The following SYNJ2 variants were observed in gnomAD, a reference collection of about 807,000 sequenced individuals.
SYNJ2 encodes the protein synaptojanin 2, also known as polyphosphatidylinositol phosphatase SYNJ2.
In SYNJ2, 116 loss-of-function variants were observed where a neutral mutation model predicts 141.3. The ratio of observed to expected loss-of-function variants is 0.82; its 90% confidence interval spans 0.71 to 0.96. The LOEUF is 0.96. Among genes scored for constraint, SYNJ2 ranks in the 40% least tolerant of loss-of-function variants. The pLI is 0.00. For missense variants in SYNJ2, 1,873 were observed against 1,934.8 expected (o/e 0.97, Z 0.60); for synonymous variants, 745 against 777.7 (o/e 0.96, Z 0.70).
intron 20 of SYNJ2, among the ~76,000 whole-genome samples, chr6:158,082,962 T>A (rs1293862993): frequency 6.6e-6 from 1 of 152,144 alleles, no homozygotes; most frequent in African/African-American, 2.4e-5. Context: ...AGATGGAGTC[T>A]TGCTCTGTCA....
chr6:158,027,300 G>A lies in SYNJ2; in HGVS notation c.215-1456G>A. 1 of 753,526 alleles carries A rather than the reference G, an allele frequency of 1.3e-6. No homozygotes were observed. The highest frequency in any genetic ancestry group is 1.6e-6 in the Non-Finnish European group (1 of 618,388). The allele number at this position is 753,526 out of a possible 1,614,324, so 46.7% of individuals were successfully genotyped here. A position where few individuals can be genotyped will look rare whatever the true frequency, so the allele number is the denominator to read the frequency against. On this transcript the variant is annotated intron_variant, in intron 2 of 26. Transcript: ENST00000355585. The surrounding 1 kb of genome is among the most constrained non-coding windows in gnomAD (Gnocchi z 4.6). The stretch of plus-strand genomic sequence containing the variant: ...TTGATCATTCACAGAAGATCTCGCT[G>A]GGCGGATCCTTCAGACCTCAGCGGG...
chr6:158,064,279 G>A (rs1781416465), intron 9 of SYNJ2, among the ~76,000 whole-genome samples: 1 of 152,076 alleles, frequency 6.6e-6, no homozygotes, highest in African/African-American at 2.4e-5. Flanking sequence ...TCCTGGCTGG[G>A]GGGTCGGGGG....
intron 7 of SYNJ2, 33 bp downstream of exon 7, chr6:158,059,386 T>C (rs1268936498): frequency 6.5e-7 from 1 of 1,547,234 alleles, no homozygotes; most frequent in African/African-American, 1.4e-5. Flanking sequence ...ACAGCTGGGC[T>C]GGGCGGCAGG....
chr6:158,023,780 A>C (rs1270579313), intron 2 of SYNJ2, among the ~76,000 whole-genome samples: 1 of 152,240 alleles, frequency 6.6e-6, no homozygotes, highest in East Asian at 1.9e-4. Context: ...AGGACTAGGT[A>C]GCAATCTGTT....
rs1278044455 is a variant in SYNJ2, at chr6:158,086,704, C to T, written c.3209-151C>T. The stretch of plus-strand genomic sequence containing the variant: ...TGCCCTCCCCGCCCCCGCCCCTCGC[C>T]GGCAGACAGAGGTGCCCGTTTCTGG... On this transcript the variant is annotated intron_variant, in intron 22 of 26. Coordinates refer to ENST00000355585, the MANE Select transcript of SYNJ2 (RefSeq NM_003898.4). 13 of 570,412 alleles carry T rather than the reference C, an allele frequency of 2.3e-5. No individual in the cohort carries two copies. In the East Asian group the frequency reaches 4.3e-4, roughly 19 times the overall value. The allele number at this position is 570,412 out of a possible 1,614,324, so 35.3% of individuals were successfully genotyped here.
chr6:158,007,050 C>T (rs1272349090), intron 1 of SYNJ2, among the ~76,000 whole-genome samples: 1 of 152,096 alleles, frequency 6.6e-6, no homozygotes, highest in Non-Finnish European at 1.5e-5. Context: ...ACTGCAGCCT[C>T]CACCTCCCAG....
At chr6:158,024,293 C>T (rs9459161) in intron 2 of SYNJ2, among the ~76,000 whole-genome samples, 56,913 of 151,800 alleles carry the variant, frequency 0.37, 10,955 homozygotes, top group Middle Eastern at 0.5. Context: ...GGCATGGGGG[C>T]TCATGCCTGT....
At chr6:158,044,442 C>T (rs751478914) in intron 5 of SYNJ2, among the ~76,000 whole-genome samples, 36 of 152,168 alleles carry the variant, frequency 2.4e-4, no homozygotes, top group Non-Finnish European at 4.9e-4. Context: ...TTAGGCTCCA[C>T]GCTCTGGTAG....
At chr6:157,986,652 A>G (rs1777217500) in intron 1 of SYNJ2, among the ~76,000 whole-genome samples, 1 of 152,166 alleles carries the variant, frequency 6.6e-6, no homozygotes, top group Non-Finnish European at 1.5e-5. Flanking sequence ...TGATTTTTGT[A>G]GCTCACCTGT....
In SYNJ2 at chr6:158,041,834, G is replaced by A. The variant is rs888040032; in HGVS notation, c.712-1482G>A. 3.3e-5 allele frequency among the ~76,000 whole-genome samples: 5 copies of A among 152,108 alleles called. No homozygotes were observed. The East Asian group carries it at 5.8e-4, about 18-fold the overall frequency. On this transcript the variant is annotated intron_variant, in intron 4 of 26. Coordinates refer to ENST00000355585, the MANE Select transcript of SYNJ2 (RefSeq NM_003898.4). ...GGTGATCTTCTTGCCTCAGCCTCCC[G>A]AATAGCTGGGACTACAGGCATACGC...
At chr6:158,029,705 G>C (rs750929898) in intron 3 of SYNJ2, among the ~76,000 whole-genome samples, 1 of 152,146 alleles carries the variant, frequency 6.6e-6, no homozygotes, top group African/African-American at 2.4e-5. Flanking sequence ...TCTCAATCAT[G>C]GTTACCTCCA....
chr6:158,011,689 T>C (rs1444361685), intron 1 of SYNJ2, among the ~76,000 whole-genome samples: 1 of 152,236 alleles, frequency 6.6e-6, no homozygotes, highest in Non-Finnish European at 1.5e-5. Flanking sequence ...GCATAGCTTC[T>C]CCCAGGGTCA....
At chr6:158,065,205 T>C (rs903122545) in intron 11 of SYNJ2, among the ~76,000 whole-genome samples, 8 of 152,322 alleles carry the variant, frequency 5.3e-5, no homozygotes, top group Non-Finnish European at 1.0e-4. Flanking sequence ...CGGCTTGGAC[T>C]GTGTTTCCAT....
At chr6:158,037,647 C>T (rs546189634) in intron 4 of SYNJ2, among the ~76,000 whole-genome samples, 4 of 152,122 alleles carry the variant, frequency 2.6e-5, no homozygotes, top group South Asian at 2.1e-4. Context: ...GTGATCTGCC[C>T]GCCTCGGCCT....
chr6:158,033,809 A>G lies in SYNJ2; in HGVS notation c.711+129A>G, dbSNP rs2295892. On this transcript the variant is annotated intron_variant, in intron 4 of 26. Coordinates refer to ENST00000355585, the MANE Select transcript of SYNJ2 (RefSeq NM_003898.4). ...GTGGTCTCTGATCAGGCTTCCTCCT[A>G]TAAGTGGAGAACAGCACGTGTAATT... 120 of 908,922 alleles carry G rather than the reference A, an allele frequency of 1.3e-4. No individual in the cohort carries two copies. In the African/African-American group the frequency reaches 1.6e-3, roughly 12 times the overall value. The allele number at this position is 908,922 out of a possible 1,614,324, so 56.3% of individuals were successfully genotyped here. A position where few individuals can be genotyped will look rare whatever the true frequency, so the allele number is the denominator to read the frequency against.
At chr6:158,017,841 G>A (rs1388928390) in intron 2 of SYNJ2, 1 of 514,304 alleles carries the variant, frequency 1.9e-6, no homozygotes, top group Non-Finnish European at 4.0e-6. Context: ...GGAGCAGGGT[G>A]GGGTTCCCGG....
At chr6:158,081,627 TTTTTTTTTC>T (rs1262375130) in intron 20 of SYNJ2, 117 bp downstream of exon 20, 10 of 449,212 alleles carry the variant, frequency 2.2e-5, no homozygotes, top group African/African-American at 1.8e-4. Flanking sequence ...TTTTTTTTTT[TTTTTTTTTC>T]TCTGAGACAA....
At chr6:158,057,986 C>T (rs1273864157) in intron 6 of SYNJ2, among the ~76,000 whole-genome samples, 1 of 152,234 alleles carries the variant, frequency 6.6e-6, no homozygotes, top group Non-Finnish European at 1.5e-5. Flanking sequence ...CTTCAAACTA[C>T]CCACTTCAAA....
chr6:158,053,749 CCACCCATCCATG>C (rs1480625067), intron 5 of SYNJ2, among the ~76,000 whole-genome samples: 8 of 151,298 alleles, frequency 5.3e-5, no homozygotes, highest in African/African-American at 1.9e-4. Context: ...ACCCAGCCAT[CCACCCATCCATG>C]CACCCACCCA....
Sources: allele counts gnomAD v4.1 joint callset (sites outside exome capture counted in the v4.1 genomes callset), GRCh38; gene constraint gnomAD v4.1.1; non-coding constraint Gnocchi (gnomAD v3.1); transcripts MANE v1.5; gene names NCBI Gene and HGNC (gene_info 2026-07-23, HGNC 2026-07-21).